RPS6KA5: variants seen among roughly 807,000 people sequenced by gnomAD.
RPS6KA5 encodes ribosomal protein S6 kinase alpha-5.
In RPS6KA5, 27 loss-of-function variants were observed where a neutral mutation model predicts 85.5. That is an observed-to-expected ratio of 0.32 (90% CI 0.23 to 0.44). The LOEUF (loss-of-function observed/expected upper bound fraction) is 0.44. Ranked by LOEUF, RPS6KA5 falls within the 20% of genes least tolerant of loss-of-function variation. RPS6KA5 has a pLI of 1.00. For synonymous variants in RPS6KA5, 334 were observed against 348.2 expected (o/e 0.96, Z 0.46); for missense variants, 811 against 980.9 (o/e 0.83, Z 2.31).
At chr14:91,035,791 A>G (rs2042373134) in intron 1 of RPS6KA5, among the ~76,000 whole-genome samples, 1 of 148,276 alleles carries the variant, frequency 6.7e-6, no homozygotes, top group Admixed American at 6.8e-5. Context: ...AAACTGTTTA[A>G]AAAGAAAATC....
intron 3 of RPS6KA5, among the ~76,000 whole-genome samples, chr14:90,952,618 T>C (rs575591727): frequency 8.1e-4 from 124 of 152,384 alleles, no homozygotes; most frequent in African/African-American, 2.9e-3. Context: ...AATTGGCTAA[T>C]CAAATTAATG....
chr14:90,913,209 G>A lies in RPS6KA5; in HGVS notation c.807-6910C>T, dbSNP rs147965242. Among the ~76,000 whole-genome samples, 17 of 152,040 alleles carry A rather than the reference G, an allele frequency of 1.1e-4. No individual in the cohort carries two copies. In the East Asian group the frequency reaches 1.4e-3, roughly 12 times the overall value. On this transcript the variant is annotated intron_variant, in intron 7 of 16. Coordinates refer to ENST00000614987, the MANE Select transcript of RPS6KA5 (RefSeq NM_004755.4). ...TATAGGCGTGTGAGCCACTGCGGCC[G>A]GCCACATGAAGCATCTTATTTCCCT... is the stretch of plus-strand genomic sequence containing the variant.
intron 2 of RPS6KA5, among the ~76,000 whole-genome samples, chr14:90,996,636 A>G (rs2040533175): frequency 6.6e-6 from 1 of 152,172 alleles, no homozygotes. Context: ...TCAAAAGTAT[A>G]TAAACAGTAG....
chr14:90,984,324 CTTTCAA>C (rs1346511665), intron 2 of RPS6KA5, among the ~76,000 whole-genome samples: 3 of 152,214 alleles, frequency 2.0e-5, no homozygotes, highest in African/African-American at 7.2e-5. Context: ...TGACGTAAAT[CTTTCAA>C]TTCATGGCCC....
chr14:91,003,624 A>G (rs2040876811), intron 1 of RPS6KA5, among the ~76,000 whole-genome samples: 1 of 152,210 alleles, frequency 6.6e-6, no homozygotes, highest in African/African-American at 2.4e-5. Context: ...AAGCAGCTCA[A>G]GGTATGTTCT....
intron 2 of RPS6KA5, among the ~76,000 whole-genome samples, chr14:90,996,184 GTTTTTTTTGTTT>G (rs781691632): frequency 1.6e-4 from 23 of 147,574 alleles, no homozygotes; most frequent in African/African-American, 4.0e-4. Context: ...AGGCTAATTT[GTTTTTTTTGTTT>G]TTTTTTTTGT....
At chr14:90,902,297 C>T (rs976064896) in intron 9 of RPS6KA5, among the ~76,000 whole-genome samples, 7 of 152,146 alleles carry the variant, frequency 4.6e-5, no homozygotes, top group African/African-American at 1.7e-4. Flanking sequence ...CCAGCTTAGG[C>T]AACATAGCAA....
At chr14:91,025,630 TCA>T (rs2041961984) in intron 1 of RPS6KA5, among the ~76,000 whole-genome samples, 1 of 151,976 alleles carries the variant, frequency 6.6e-6, no homozygotes, top group South Asian at 2.1e-4. Context: ...CTGTCCTTGC[TCA>T]CTGTTAAAGT....
At chr14:91,011,317 C>A (rs2041247652) in intron 1 of RPS6KA5, among the ~76,000 whole-genome samples, 1 of 152,026 alleles carries the variant, frequency 6.6e-6, no homozygotes, top group Non-Finnish European at 1.5e-5. Flanking sequence ...GAAACCCCGT[C>A]TCTACTAAAA....
At chr14:90,955,397 G>A (rs975686863) in intron 3 of RPS6KA5, among the ~76,000 whole-genome samples, 5 of 152,136 alleles carry the variant, frequency 3.3e-5, no homozygotes, top group African/African-American at 1.2e-4. Flanking sequence ...TAGGATTACA[G>A]GTGTGTGCCA....
intron 2 of RPS6KA5, among the ~76,000 whole-genome samples, chr14:90,985,398 G>A (rs1459773377): frequency 2.0e-5 from 3 of 152,198 alleles, no homozygotes; most frequent in South Asian, 2.1e-4. Flanking sequence ...GGGCAACCAC[G>A]AGCCAGGAAT....
intron 3 of RPS6KA5, among the ~76,000 whole-genome samples, chr14:90,960,733 T>A (rs1348602083): frequency 1.3e-5 from 2 of 152,230 alleles, no homozygotes; most frequent in Non-Finnish European, 2.9e-5. Context: ...AAAATTATGA[T>A]CCATTAGATT....
chr14:90,873,638 G>C lies in RPS6KA5; in HGVS notation c.2154C>G (p.Thr718=). The C allele has an allele frequency of 6.2e-7, 1 of 1,613,780 alleles. No individual in the cohort carries two copies. Among genetic ancestry groups the C allele is most frequent in the Non-Finnish European group, 8.5e-7 (1 of 1,179,804 alleles). ...GAAVHTCVKA[T]FHAFNKYKRE... is the part of the protein sequence containing the mutation. Reference sequence around the variant, plus strand: ...ACAGAGCACAGGGCCTTACGTGGAAGGTTGCTTTCACACAGGTATGCACGG... The same window carrying C: ...ACAGAGCACAGGGCCTTACGTGGAACGTTGCTTTCACACAGGTATGCACGG... The change falls in exon 16 of 17, where the codon ACC becomes ACG. Residue 718 remains threonine, a synonymous_variant. Coordinates refer to ENST00000614987, the MANE Select transcript of RPS6KA5 (RefSeq NM_004755.4).
intron 2 of RPS6KA5, among the ~76,000 whole-genome samples, chr14:91,000,247 A>C (rs1366027953): frequency 6.6e-6 from 1 of 152,080 alleles, no homozygotes; most frequent in Non-Finnish European, 1.5e-5. Flanking sequence ...TATTTTGGAG[A>C]GCTTTCCAAA....
At position 91,028,710 on chromosome 14, in the gene RPS6KA5, G is replaced by C. The variant is rs547695028; in HGVS notation, c.104-27551C>G. On this transcript the variant is annotated intron_variant, in intron 1 of 16. Coordinates refer to ENST00000614987, the MANE Select transcript of RPS6KA5 (RefSeq NM_004755.4). Reference sequence around the variant, plus strand: ...ATTTTTTGTATTTTTAGTAGAGATAGGGTTTCATCATGTTATCCAGGATGG... The same window carrying C: ...ATTTTTTGTATTTTTAGTAGAGATACGGTTTCATCATGTTATCCAGGATGG... Among the ~76,000 whole-genome samples the C allele has an allele frequency of 2.6e-5, 4 of 151,934 alleles. 1 individual carries two copies. In the East Asian group the frequency reaches 7.7e-4, roughly 29 times the overall value.
At chr14:91,027,849 G>C (rs2042041832) in intron 1 of RPS6KA5, among the ~76,000 whole-genome samples, 1 of 152,102 alleles carries the variant, frequency 6.6e-6, no homozygotes. Context: ...AATTTCATTG[G>C]CAAGAACTGA....
chr14:91,058,290 A>G (rs1450395426), intron 1 of RPS6KA5, among the ~76,000 whole-genome samples: 2 of 152,232 alleles, frequency 1.3e-5, no homozygotes, highest in African/African-American at 4.8e-5. Context: ...CTCACCATCC[A>G]TCAGAAAAAT....
intron 3 of RPS6KA5, among the ~76,000 whole-genome samples, chr14:90,956,668 C>CT (rs554895376): frequency 0.05 from 7,261 of 144,806 alleles, 592 homozygotes; most frequent in African/African-American, 0.17. Flanking sequence ...TCTCATTTTA[C>CT]TTTTTTTTTT....
intron 1 of RPS6KA5, among the ~76,000 whole-genome samples, chr14:91,032,914 C>G (rs1267041618): frequency 6.6e-6 from 1 of 152,086 alleles, no homozygotes; most frequent in Non-Finnish European, 1.5e-5. Context: ...TGGCTCACAC[C>G]TGTAATCCCA....
Sources: gnomAD v4.1 joint callset for allele counts (sites outside exome capture counted in the v4.1 genomes callset) on GRCh38, gnomAD v4.1.1 for gene constraint, MANE v1.5 for transcripts, NCBI Gene and HGNC (gene_info 2026-07-23, HGNC 2026-07-21) for gene names.